Variants in MTHFS observed in about 807,000 individuals in gnomAD.
The protein encoded by MTHFS is 5-formyltetrahydrofolate cyclo-ligase.
In MTHFS, 7 loss-of-function variants were observed where a neutral mutation model predicts 12.7. The observed-to-expected ratio is 0.55, with a 90% CI of 0.31 to 1.03. MTHFS has a LOEUF of 1.03. MTHFS is among the 50% of genes least tolerant of loss of function. The probability of loss-of-function intolerance (pLI) is 0.05; values close to 1 mark genes in which losing one functional copy is unlikely to be tolerated. For missense variants in MTHFS, 252 were observed against 258.1 expected (o/e 0.98, Z 0.16); for synonymous variants, 100 against 97.1 (o/e 1.03, Z -0.18).
intron 2 of MTHFS, among the ~76,000 whole-genome samples, chr15:79,861,828 C>T (rs1486807185): frequency 1.3e-5 from 2 of 151,860 alleles, no homozygotes; most frequent in Non-Finnish European, 2.9e-5. Flanking sequence ...AAGTAGGATG[C>T]AAAACAAAAT....
At chr15:79,860,263 C>T (rs1304651572) in intron 2 of MTHFS, among the ~76,000 whole-genome samples, 1 of 151,914 alleles carries the variant, frequency 6.6e-6, no homozygotes, top group Non-Finnish European at 1.5e-5. Flanking sequence ...GTGTCGGGTG[C>T]CTGTTGTCTC....
chr15:79,852,475 T>C (rs1380298357), intron 2 of MTHFS, among the ~76,000 whole-genome samples: 1 of 151,694 alleles, frequency 6.6e-6, no homozygotes, highest in Non-Finnish European at 1.5e-5. Flanking sequence ...AAAAATTACA[T>C]TGTAAACATA....
At chr15:79,884,095 G>A (rs1189136328) in intron 2 of MTHFS, among the ~76,000 whole-genome samples, 1 of 152,196 alleles carries the variant, frequency 6.6e-6, no homozygotes, top group Admixed American at 6.5e-5. Context: ...TAACAGATAT[G>A]TAAGGTAGGT....
chr15:79,897,132 C>T (rs929694766), upstream of MTHFS: 18 of 705,152 alleles, frequency 2.6e-5, no homozygotes, highest in South Asian at 4.5e-4. Flanking sequence ...GCTTCCGGGA[C>T]GCGGGCCCGC....
chr15:79,897,048 C>A, upstream of MTHFS: 1 of 1,460,934 alleles, frequency 6.8e-7, no homozygotes, highest in South Asian at 1.3e-5. Context: ...CGGGTTCGGT[C>A]TCCGCCCCTG....
chr15:79,864,760 A>AC (rs1295625708), intron 2 of MTHFS, among the ~76,000 whole-genome samples: 2 of 152,200 alleles, frequency 1.3e-5, no homozygotes, highest in South Asian at 4.2e-4. Flanking sequence ...TATTTGTTAC[A>AC]CAAGTGAGTG....
At chr15:79,885,096 T>C (rs1409174300) in intron 2 of MTHFS, among the ~76,000 whole-genome samples, 1 of 152,206 alleles carries the variant, frequency 6.6e-6, no homozygotes, top group African/African-American at 2.4e-5. Flanking sequence ...GCAGACGCCA[T>C]GCAACCCTAA....
At chr15:79,894,437 C>T (rs1226066067) in intron 1 of MTHFS, among the ~76,000 whole-genome samples, 1 of 151,934 alleles carries the variant, frequency 6.6e-6, no homozygotes, top group Non-Finnish European at 1.5e-5. Flanking sequence ...GTAAAATGTT[C>T]CTTGTATGTG....
At chr15:79,891,156 A>G (rs905683539) in intron 1 of MTHFS, among the ~76,000 whole-genome samples, 1 of 152,240 alleles carries the variant, frequency 6.6e-6, no homozygotes, top group Non-Finnish European at 1.5e-5. Flanking sequence ...ACAAAACAGC[A>G]GCAGATCACA....
intron 2 of MTHFS, among the ~76,000 whole-genome samples, chr15:79,887,472 G>C (rs2034402357): frequency 6.6e-6 from 1 of 152,208 alleles, no homozygotes; most frequent in Non-Finnish European, 1.5e-5. Context: ...TGCCTCTAGA[G>C]GAATTAGTTA....
intron 2 of MTHFS, among the ~76,000 whole-genome samples, chr15:79,859,817 CAAAAAAA>C (rs368106807): frequency 1.4e-4 from 8 of 58,904 alleles, no homozygotes; most frequent in Non-Finnish European, 3.9e-5. Context: ...GAATACATGT[CAAAAAAA>C]AAAAAAAAAA....
At chr15:79,896,729 GGGAGGGGAAAC>G in intron 1 of MTHFS, 132 bp downstream of exon 1, 1 of 819,920 alleles carries the variant, frequency 1.2e-6, no homozygotes. Context: ...TGCGCGCGCC[GGGAGGGGAAAC>G]GTGCGCGCGC....
intron 1 of MTHFS, among the ~76,000 whole-genome samples, chr15:79,893,175 CA>C (rs1300074251): frequency 6.6e-6 from 1 of 151,808 alleles, no homozygotes; most frequent in African/African-American, 2.4e-5. Context: ...CAGGCCGAGG[CA>C]GGTGGATCAT....
At chr15:79,867,307 T>TAG (rs961587523) in intron 2 of MTHFS, among the ~76,000 whole-genome samples, 1 of 151,902 alleles carries the variant, frequency 6.6e-6, no homozygotes, top group Admixed American at 6.6e-5. Flanking sequence ...GAGGTGATTT[T>TAG]AGAAAGCCAA....
At chr15:79,886,336 T>C (rs1467247606) in intron 2 of MTHFS, among the ~76,000 whole-genome samples, 1 of 152,136 alleles carries the variant, frequency 6.6e-6, no homozygotes, top group Non-Finnish European at 1.5e-5. Context: ...CAGTACAGAG[T>C]GTGATGTTAG....
chr15:79,855,812 C>T (rs1423254894), intron 2 of MTHFS, among the ~76,000 whole-genome samples: 4 of 152,186 alleles, frequency 2.6e-5, no homozygotes, highest in African/African-American at 9.7e-5. Flanking sequence ...ATAATACCCT[C>T]CAGCTCCAAC....
intron 2 of MTHFS, among the ~76,000 whole-genome samples, chr15:79,862,855 C>T (rs1358963732): frequency 6.6e-6 from 1 of 152,164 alleles, no homozygotes; most frequent in Non-Finnish European, 1.5e-5. Context: ...TTGCCATGGC[C>T]TCATCACCTA....
chr15:79,847,738 G>C (rs547690016), intron 2 of MTHFS, among the ~76,000 whole-genome samples: 1 of 151,006 alleles, frequency 6.6e-6, no homozygotes, highest in African/African-American at 2.4e-5. Context: ...TGGCCAACAG[G>C]CATATGAAAA....
At chr15:79,846,077 C>T (rs533074202) in intron 2 of MTHFS, among the ~76,000 whole-genome samples, 2 of 152,300 alleles carry the variant, frequency 1.3e-5, no homozygotes, top group East Asian at 1.9e-4. Flanking sequence ...TCAAGTAACA[C>T]GAAGACCAGA....
Sources: allele counts gnomAD v4.1 joint callset (sites outside exome capture counted in the v4.1 genomes callset), GRCh38; gene constraint gnomAD v4.1.1; transcripts MANE v1.5; gene names NCBI Gene and HGNC (gene_info 2026-07-23, HGNC 2026-07-21).